The following DOCK1 variants were observed in gnomAD, a reference collection of about 807,000 sequenced individuals.
DOCK1 encodes the protein dedicator of cytokinesis protein 1.
A neutral mutation model predicts 262.7 loss-of-function variants in DOCK1; 138 were observed. The observed-to-expected ratio is 0.53, with a 90% confidence interval of 0.46 to 0.61. DOCK1 has a LOEUF of 0.61. Among genes scored for constraint, DOCK1 ranks in the 20% least tolerant of loss-of-function variants. DOCK1 has a pLI of 0.00. For synonymous variants in DOCK1, 866 were observed against 867.4 expected (o/e 1.00, Z 0.03); for missense variants, 1,908 against 2,370.7 (o/e 0.80, Z 4.05).
chr10:126,936,127 C>T (rs2034544105), intron 1 of DOCK1, among the ~76,000 whole-genome samples: 1 of 152,156 alleles, frequency 6.6e-6, no homozygotes, highest in African/African-American at 2.4e-5. Context: ...ACTACAGGTG[C>T]ACACCACCAT....
intron 29 of DOCK1, among the ~76,000 whole-genome samples, chr10:127,336,665 A>G (rs531141358): frequency 2.6e-5 from 4 of 151,660 alleles, no homozygotes; most frequent in South Asian, 4.2e-4. Flanking sequence ...TCAGCCTCCC[A>G]AGTAGCTGGG....
chr10:127,166,189 C>G (rs1186872452), intron 27 of DOCK1, among the ~76,000 whole-genome samples: 1 of 152,196 alleles, frequency 6.6e-6, no homozygotes, highest in Non-Finnish European at 1.5e-5. Context: ...CCTCAGCCCC[C>G]CAAGTAGCTG....
chr10:127,318,934 T>C (rs2062401426), intron 29 of DOCK1, among the ~76,000 whole-genome samples: 1 of 151,892 alleles, frequency 6.6e-6, no homozygotes, highest in Non-Finnish European at 1.5e-5. Flanking sequence ...GGCTTTGGAG[T>C]GTGGGTGCTG....
At chr10:127,315,728 G>A (rs1037107023) in intron 29 of DOCK1, among the ~76,000 whole-genome samples, 13 of 152,034 alleles carry the variant, frequency 8.6e-5, no homozygotes, top group Admixed American at 1.3e-4. Context: ...GCTGGGTTGG[G>A]GTCTCTCTCT....
At chr10:126,964,705 A>G (rs1431141628) in intron 1 of DOCK1, among the ~76,000 whole-genome samples, 1 of 152,234 alleles carries the variant, frequency 6.6e-6, no homozygotes, top group Non-Finnish European at 1.5e-5. Flanking sequence ...GTTGATTTCA[A>G]GGAGTAACGT....
intron 25 of DOCK1, among the ~76,000 whole-genome samples, chr10:127,124,081 G>C (rs2049792090): frequency 6.6e-6 from 1 of 152,222 alleles, no homozygotes; most frequent in African/African-American, 2.4e-5. Flanking sequence ...CAGGGGAGTA[G>C]AGGGGTTTGT....
At chr10:127,246,099 CG>C (rs2059422891) in intron 27 of DOCK1, among the ~76,000 whole-genome samples, 1 of 152,108 alleles carries the variant, frequency 6.6e-6, no homozygotes, top group African/African-American at 2.4e-5. Flanking sequence ...TGACTGCAAG[CG>C]TAGAGGAAAG....
chr10:127,228,147 A>T (rs555824307), intron 27 of DOCK1, among the ~76,000 whole-genome samples: 3 of 152,322 alleles, frequency 2.0e-5, no homozygotes, highest in Admixed American at 1.3e-4. Context: ...GCAGACAGTA[A>T]ATATCTGTCT....
chr10:126,979,636 C>G (rs894117077), intron 3 of DOCK1, among the ~76,000 whole-genome samples: 1 of 152,140 alleles, frequency 6.6e-6, no homozygotes. Flanking sequence ...TGCACTACAC[C>G]TGGGCACCTA....
chr10:127,055,045 T>G (rs2045039517), intron 22 of DOCK1, among the ~76,000 whole-genome samples: 1 of 152,212 alleles, frequency 6.6e-6, no homozygotes, highest in South Asian at 2.1e-4. Context: ...GCACAAAATC[T>G]TAGATTCATG....
At chr10:127,102,385 C>T (rs1334399236) in intron 23 of DOCK1, among the ~76,000 whole-genome samples, 1 of 152,188 alleles carries the variant, frequency 6.6e-6, no homozygotes, top group Non-Finnish European at 1.5e-5. Flanking sequence ...GTGCAGAATA[C>T]TTACGTCATA....
rs2049717184 is a variant in DOCK1, at chr10:127,123,114, G to A, written c.2624-2360G>A. On this transcript the variant is annotated intron_variant, in intron 25 of 51. Transcript: ENST00000623213. ...CCTTCCAGCCTGTACTGGCTGGTCC[G>A]TTAGACCTTTTCCCTCTCTTGGGTC... 1.3e-5 allele frequency among the ~76,000 whole-genome samples: 2 copies of A among 152,176 alleles called. 1 individual carries two copies. The highest frequency in any genetic ancestry group is 2.9e-5 in the Non-Finnish European group (2 of 68,030).
intron 38 of DOCK1, among the ~76,000 whole-genome samples, chr10:127,400,205 G>T (rs1450717924): frequency 2.0e-5 from 3 of 151,900 alleles, no homozygotes; most frequent in Non-Finnish European, 4.4e-5. Flanking sequence ...AAAGCAGATG[G>T]TTTCTTTACG....
At chr10:126,953,895 A>G (rs911624174) in intron 1 of DOCK1, among the ~76,000 whole-genome samples, 3 of 152,076 alleles carry the variant, frequency 2.0e-5, no homozygotes, top group African/African-American at 7.2e-5. Context: ...TAAAAATGAA[A>G]CAAACAGAAA....
At chr10:127,180,299 T>C (rs1283252029) in intron 27 of DOCK1, among the ~76,000 whole-genome samples, 2 of 152,156 alleles carry the variant, frequency 1.3e-5, no homozygotes, top group East Asian at 1.9e-4. Flanking sequence ...GAAGCTGCAA[T>C]AGGATTCTTC....
chr10:127,182,273 G>C (rs1202973024), intron 27 of DOCK1, among the ~76,000 whole-genome samples: 1 of 152,158 alleles, frequency 6.6e-6, no homozygotes, highest in Non-Finnish European at 1.5e-5. Context: ...CCCCACTCAT[G>C]CATATCTGCG....
At chr10:127,077,292 G>A (rs2046623360) in intron 23 of DOCK1, among the ~76,000 whole-genome samples, 1 of 152,120 alleles carries the variant, frequency 6.6e-6, no homozygotes, top group African/African-American at 2.4e-5. Context: ...CTACTCAGGA[G>A]ACCGAGGTGG....
chr10:127,445,351 T>C (rs923063280), intron 50 of DOCK1, among the ~76,000 whole-genome samples: 2 of 152,142 alleles, frequency 1.3e-5, no homozygotes, highest in African/African-American at 4.8e-5. Flanking sequence ...CTCCTGATTT[T>C]CCTCTTGCTG....
intron 23 of DOCK1, among the ~76,000 whole-genome samples, chr10:127,095,105 T>A (rs2047828835): frequency 6.6e-6 from 1 of 152,240 alleles, no homozygotes; most frequent in African/African-American, 2.4e-5. Context: ...ATGACTTAAT[T>A]CCTGGCAAGT....
Sources: gnomAD v4.1 joint callset for allele counts (sites outside exome capture counted in the v4.1 genomes callset) on GRCh38, gnomAD v4.1.1 for gene constraint, MANE v1.5 for transcripts, NCBI Gene and HGNC (gene_info 2026-07-23, HGNC 2026-07-21) for gene names.